Variants in EML6 observed in about 807,000 individuals in gnomAD.
The protein encoded by EML6 is EMAP like 6, also known as echinoderm microtubule-associated protein-like 6.
EML6 carries 154 observed loss-of-function variants against 240.1 expected under a neutral mutation model. The ratio of observed to expected loss-of-function variants is 0.64; its 90% CI spans 0.56 to 0.73. The LOEUF (loss-of-function observed/expected upper bound fraction) is 0.73. Among genes scored for constraint, EML6 ranks in the 30% least tolerant of loss-of-function variants. The pLI is 0.00. For synonymous variants in EML6, 1,148 were observed against 899.0 expected, an observed-to-expected ratio of 1.28 and a Z score of -4.95; for missense variants, 2,964 against 2,474.6, an observed-to-expected ratio of 1.20 and a Z score of -4.20.
chr2:54,790,850 C>G (rs371121787), intron 2 of EML6, among the ~76,000 whole-genome samples: 7 of 151,762 alleles, frequency 4.6e-5, no homozygotes, highest in East Asian at 3.9e-4. Context: ...CTCAGCCTCC[C>G]GAGTAGCTGG....
chr2:54,768,458 T>C (rs1253070824), intron 2 of EML6, among the ~76,000 whole-genome samples: 1 of 152,188 alleles, frequency 6.6e-6, no homozygotes, highest in Non-Finnish European at 1.5e-5. Context: ...TTTTGTAAAG[T>C]TTTCAGGGTG....
chr2:54,753,160 C>A (rs886829048), intron 2 of EML6, among the ~76,000 whole-genome samples: 3 of 152,194 alleles, frequency 2.0e-5, no homozygotes, highest in Non-Finnish European at 4.4e-5. Context: ...TCTAGTTTCT[C>A]CACATTCTTG....
At chr2:54,847,733 C>A in intron 9 of EML6, 110 bp downstream of exon 9, 2 of 1,156,552 alleles carry the variant, frequency 1.7e-6, no homozygotes, top group South Asian at 1.6e-5. Flanking sequence ...TTTAGCCATT[C>A]AAATAGGAAT....
At chr2:54,899,510 G>A (rs1001134016) in intron 21 of EML6, 131 bp from the exon 22 acceptor site, 18 of 883,620 alleles carry the variant, frequency 2.0e-5, no homozygotes, top group Non-Finnish European at 3.0e-5. Context: ...GTTCAAGGAA[G>A]CTCAAAGTGT....
At chr2:54,837,308 CT>C (rs1286335272) in intron 7 of EML6, among the ~76,000 whole-genome samples, 2 of 152,126 alleles carry the variant, frequency 1.3e-5, no homozygotes, top group African/African-American at 4.8e-5. Context: ...TTTTTTCCCC[CT>C]ATTGCTAGCT....
chr2:54,909,606 G>A (rs1237066014), intron 24 of EML6, among the ~76,000 whole-genome samples: 1 of 152,104 alleles, frequency 6.6e-6, no homozygotes, highest in African/African-American at 2.4e-5. Flanking sequence ...AGCACTTTGG[G>A]AGGCCGAGGT....
chr2:54,945,742 A>G (rs568684048), intron 28 of EML6, among the ~76,000 whole-genome samples: 2 of 152,316 alleles, frequency 1.3e-5, no homozygotes, highest in South Asian at 4.1e-4. Flanking sequence ...GAAAGGAGGG[A>G]CAAGTACCCA....
At position 54,802,678 on chromosome 2, in the gene EML6, C is replaced by G. The variant is rs550235165; in HGVS notation, c.198-10554C>G. Among the ~76,000 whole-genome samples, 30 of 151,128 alleles carry G rather than the reference C, an allele frequency of 2.0e-4. 1 individual carries two copies. The highest frequency in any genetic ancestry group is 6.8e-4 in the African/African-American group (28 of 41,266). Reference sequence around the variant, plus strand: ...ACTACTACTACTACTGCTACTACTACTACTACCAATAATAATAATAATTTA... The same window carrying G: ...ACTACTACTACTACTGCTACTACTAGTACTACCAATAATAATAATAATTTA... On this transcript the variant is annotated intron_variant, in intron 2 of 41. Coordinates refer to ENST00000356458, the MANE Select transcript of EML6 (RefSeq NM_001039753.4).
At chr2:54,915,203 C>G (rs151044294) in intron 25 of EML6, among the ~76,000 whole-genome samples, 1 of 152,328 alleles carries the variant, frequency 6.6e-6, no homozygotes, top group African/African-American at 2.4e-5. Context: ...GCAAGTTCGA[C>G]ATTTGCTTCC....
chr2:54,829,286 T>C, intron 6 of EML6, 56 bp from the exon 7 acceptor site: 1 of 1,486,518 alleles, frequency 6.7e-7, no homozygotes. Flanking sequence ...CAACTGTATC[T>C]ATTCATTATA....
chr2:54,896,462 A>C (rs1186943963), intron 21 of EML6, among the ~76,000 whole-genome samples: 1 of 152,240 alleles, frequency 6.6e-6, no homozygotes, highest in East Asian at 1.9e-4. Flanking sequence ...TTTAGGAGCC[A>C]AGAAATGATA....
intron 24 of EML6, among the ~76,000 whole-genome samples, chr2:54,910,722 G>C (rs1472968462): frequency 6.6e-6 from 1 of 152,166 alleles, no homozygotes; most frequent in Admixed American, 6.5e-5. Context: ...GTTATTTGAA[G>C]GATGTTGAAG....
intron 28 of EML6, among the ~76,000 whole-genome samples, chr2:54,942,000 T>G (rs961695526): frequency 2.6e-5 from 4 of 152,244 alleles, no homozygotes; most frequent in Non-Finnish European, 5.9e-5. Flanking sequence ...GTTAGGTAAC[T>G]CCACTAAAAG....
intron 17 of EML6, among the ~76,000 whole-genome samples, chr2:54,883,369 T>A (rs987017112): frequency 2.8e-4 from 42 of 152,204 alleles, no homozygotes; most frequent in African/African-American, 1.0e-3. Flanking sequence ...CCAATTTAAA[T>A]TTTTTTTGGA....
At chr2:54,789,814 C>G (rs563801749) in intron 2 of EML6, among the ~76,000 whole-genome samples, 2 of 152,136 alleles carry the variant, frequency 1.3e-5, no homozygotes, top group African/African-American at 2.4e-5. Flanking sequence ...AGAGTTAACT[C>G]CAGCACACAT....
At chr2:54,880,960 T>C (rs1439263798) in intron 17 of EML6, 3 of 152,276 alleles carry the variant, frequency 2.0e-5, no homozygotes, top group Middle Eastern at 3.4e-3. Context: ...AAGAAATATT[T>C]CTTAATATTA....
intron 5 of EML6, 104 bp downstream of exon 5, chr2:54,820,566 T>G: frequency 2.9e-6 from 2 of 681,870 alleles, no homozygotes; most frequent in Non-Finnish European, 4.9e-6. Flanking sequence ...TACATTTTTT[T>G]TCTTCAATAT....
At chr2:54,806,601 G>A (rs1035584990) in intron 2 of EML6, among the ~76,000 whole-genome samples, 6 of 84,460 alleles carry the variant, frequency 7.1e-5, no homozygotes, top group East Asian at 7.9e-4. Flanking sequence ...CAACAAGAGT[G>A]ACTCCGTCTC....
In EML6 at chr2:54,774,733, G is replaced by T. The variant is rs1668527638; in HGVS notation, c.198-38499G>T. Among the ~76,000 whole-genome samples, 1 of 152,226 alleles carries T rather than the reference G, an allele frequency of 6.6e-6. No individual in the cohort carries two copies. Among genetic ancestry groups the T allele is most frequent in the African/African-American group, 2.4e-5 (1 of 41,460 alleles). ...CCGAGGATCTTGTGGGACTAAAAGA[G>T]TTGGCATCCCTAGTCTAATGATCAA... On this transcript the variant is annotated intron_variant, in intron 2 of 41. Coordinates refer to ENST00000356458, the MANE Select transcript of EML6 (RefSeq NM_001039753.4). This position sits in a 1 kb window ranked among gnomAD's most constrained non-coding sequence, Gnocchi z 4.1.
Sources: allele counts gnomAD v4.1 joint callset (sites outside exome capture counted in the v4.1 genomes callset), GRCh38; gene constraint gnomAD v4.1.1; non-coding constraint Gnocchi (gnomAD v3.1); transcripts MANE v1.5; gene names NCBI Gene and HGNC (gene_info 2026-07-23, HGNC 2026-07-21).